Variants in N4BP2L2 observed in about 807,000 individuals in gnomAD.
The protein encoded by N4BP2L2 is NEDD4 binding protein 2 like 2.
Under a neutral mutation model 56.2 loss-of-function variants are expected in N4BP2L2, and 50 were observed. The ratio of observed to expected loss-of-function variants is 0.89; its 90% CI spans 0.71 to 1.13. The LOEUF (loss-of-function observed/expected upper bound fraction) is 1.13, where lower values mean the gene tolerates loss of function less well. N4BP2L2 is among the 50% of genes most tolerant of loss of function. The probability of loss-of-function intolerance (pLI) is 0.00; values close to 1 mark genes in which losing one functional copy is unlikely to be tolerated. For synonymous variants in N4BP2L2, 203 were observed against 223.6 expected, an observed-to-expected ratio of 0.91 and a Z score of 0.82; for missense variants, 689 against 693.8, an observed-to-expected ratio of 0.99 and a Z score of 0.08.
chr13:32,436,401 C>T, exon 9 of N4BP2L2: 1 of 1,229,834 alleles, frequency 8.1e-7, no homozygotes, highest in Non-Finnish European at 1.1e-6. Flanking sequence ...CTTCTTCTGT[C>T]TTTTCTAGAA....
chr13:32,496,993 AGGGTTAGGT>A (rs1425000224), intron 6 of N4BP2L2, among the ~76,000 whole-genome samples: 4 of 152,316 alleles, frequency 2.6e-5, no homozygotes, highest in Middle Eastern at 6.8e-3. Context: ...TACAGTAGGT[AGGGTTAGGT>A]GGAAGTGGTG....
intron 6 of N4BP2L2, among the ~76,000 whole-genome samples, chr13:32,465,612 A>C (rs1188308953): frequency 6.6e-6 from 1 of 152,254 alleles, no homozygotes; most frequent in Non-Finnish European, 1.5e-5. Flanking sequence ...AAGCATATGT[A>C]AAACTATAAT....
At chr13:32,444,273 T>G (rs986276914) in intron 6 of N4BP2L2, 1 of 594,312 alleles carries the variant, frequency 1.7e-6, no homozygotes, top group African/African-American at 1.9e-5. Flanking sequence ...TTTGTTTGTT[T>G]GTTTGTTTTG....
At chr13:32,483,093 G>A (rs1009647022) in intron 6 of N4BP2L2, among the ~76,000 whole-genome samples, 51 of 152,180 alleles carry the variant, frequency 3.4e-4, no homozygotes, top group Admixed American at 3.1e-3. Flanking sequence ...TGGTCCATTA[G>A]TTTACTTACA....
chr13:32,537,906 C>T (rs995422766), intron 1 of N4BP2L2, among the ~76,000 whole-genome samples: 1 of 151,918 alleles, frequency 6.6e-6, no homozygotes, highest in Non-Finnish European at 1.5e-5. Context: ...CGTCTCTTAA[C>T]AAAAATACAA....
At chr13:32,456,089 C>G (rs2078938235) in intron 6 of N4BP2L2, among the ~76,000 whole-genome samples, 1 of 152,152 alleles carries the variant, frequency 6.6e-6, no homozygotes, top group Non-Finnish European at 1.5e-5. Context: ...TATTGGGACC[C>G]ACTAACACTG....
Position 32,483,132 on chromosome 13 carries a change from G to A in N4BP2L2, c.365+34725C>T, listed in dbSNP as rs566481484. On this transcript the variant is annotated intron_variant, in intron 6 of 9. Transcript: ENST00000357505. The stretch of plus-strand genomic sequence containing the variant: ...CAGCACTAATGTTTATTAGTCAAAC[G>A]AAATCTTAACTTGGGAAACCCTCTT... Among the ~76,000 whole-genome samples, 13 of 152,256 alleles carry A rather than the reference G, an allele frequency of 8.5e-5. No individual in the cohort carries two copies. The East Asian group carries it at 1.9e-3, about 23-fold the overall frequency.
chr13:32,473,919 T>C (rs948638439), intron 6 of N4BP2L2, among the ~76,000 whole-genome samples: 1 of 152,194 alleles, frequency 6.6e-6, no homozygotes, highest in African/African-American at 2.4e-5. Context: ...TAAGATAAGA[T>C]AGTCAGAGGT....
At chr13:32,443,434 G>A in exon 7 of N4BP2L2, 3 of 1,613,934 alleles carry the variant, frequency 1.9e-6, no homozygotes, top group Non-Finnish European at 2.5e-6. Flanking sequence ...AGATAAATTG[G>A]TTGTGAAAAA....
intron 9 of N4BP2L2, among the ~76,000 whole-genome samples, chr13:32,435,090 G>A (rs1037790767): frequency 7.2e-5 from 11 of 152,148 alleles, no homozygotes; most frequent in Middle Eastern, 3.2e-3. Context: ...TCAGTCAGAG[G>A]TAGGCTAGAG....
At chr13:32,475,840 G>C (rs965400598) in intron 6 of N4BP2L2, among the ~76,000 whole-genome samples, 5 of 152,078 alleles carry the variant, frequency 3.3e-5, no homozygotes, top group African/African-American at 1.2e-4. Flanking sequence ...ATACTACAAT[G>C]AAAATAAGTT....
intron 3 of N4BP2L2, 65 bp from the exon 4 acceptor site, chr13:32,522,335 ATTT>A (rs1254526799): frequency 2.8e-6 from 3 of 1,079,012 alleles, no homozygotes; most frequent in Non-Finnish European, 3.9e-6. Context: ...AAAGTTAAAC[ATTT>A]ATTATTAAGA....
exon 6 of N4BP2L2, chr13:32,516,305 T>C (rs1373276497): frequency 6.6e-6 from 1 of 152,172 alleles, no homozygotes; most frequent in Non-Finnish European, 1.5e-5. Flanking sequence ...AAAACATGAA[T>C]TAGCATATTC....
intron 6 of N4BP2L2, chr13:32,505,237 AAC>A (rs1469780641): frequency 6.6e-6 from 1 of 152,256 alleles, no homozygotes; most frequent in African/African-American, 2.4e-5. Flanking sequence ...CAAGAAATCC[AAC>A]AGACTTCCTT....
intron 6 of N4BP2L2, chr13:32,504,919 G>A (rs969357505): frequency 2.0e-5 from 3 of 152,200 alleles, no homozygotes; most frequent in Admixed American, 2.0e-4. Flanking sequence ...TCCTAAGCAG[G>A]TCTGAAACGT....
intron 2 of N4BP2L2, among the ~76,000 whole-genome samples, chr13:32,534,581 T>G (rs1018488792): frequency 1.3e-5 from 2 of 152,190 alleles, no homozygotes; most frequent in African/African-American, 4.8e-5. Context: ...GTAAAAGGAA[T>G]CAAAATACAA....
At chr13:32,469,193 G>A (rs199807392) in intron 6 of N4BP2L2, among the ~76,000 whole-genome samples, 5 of 152,126 alleles carry the variant, frequency 3.3e-5, no homozygotes, top group East Asian at 3.9e-4. Context: ...TGTAGTCCTC[G>A]GCAGAATGAG....
exon 2 of N4BP2L2, chr13:32,536,896 G>C (rs909747247): frequency 7.8e-5 from 126 of 1,613,830 alleles, no homozygotes; most frequent in Non-Finnish European, 1.0e-4. Context: ...CTTGGATTCT[G>C]TGAAAATCAG....
At chr13:32,511,896 CTGAG>C (rs1212106514) in exon 6 of N4BP2L2, 1 of 151,976 alleles carries the variant, frequency 6.6e-6, no homozygotes, top group African/African-American at 2.4e-5. Flanking sequence ...CAATCCCTTC[CTGAG>C]TAAATTTTCT....
Sources: gnomAD v4.1 joint callset for allele counts (sites outside exome capture counted in the v4.1 genomes callset) on GRCh38, gnomAD v4.1.1 for gene constraint, MANE v1.5 for transcripts, NCBI Gene and HGNC (gene_info 2026-07-23, HGNC 2026-07-21) for gene names.